Variants in RSPO4 observed in about 807,000 individuals in gnomAD.
The protein encoded by RSPO4 is R-spondin-4.
Under a neutral mutation model 24.8 loss-of-function variants are expected in RSPO4, and 23 were observed. The observed-to-expected ratio is 0.93, with a 90% confidence interval of 0.67 to 1.31. The LOEUF is 1.31. Among genes scored for constraint, RSPO4 ranks in the 40% most tolerant of loss-of-function variants. The probability of loss-of-function intolerance (pLI) is 0.00; values close to 1 mark genes in which losing one functional copy is unlikely to be tolerated. For synonymous variants in RSPO4, 141 were observed against 127.4 expected (o/e 1.11, Z -0.72); for missense variants, 333 against 316.5 (o/e 1.05, Z -0.39).
chr20:966,056 G>A lies in RSPO4; in HGVS notation c.409+1118C>T, dbSNP rs541068563. 5.1e-4 allele frequency among the ~76,000 whole-genome samples: 77 copies of A among 152,308 alleles called. 1 individual carries two copies. The highest frequency in any genetic ancestry group is 1.6e-3 in the African/African-American group (66 of 41,554). ...AACCCAGAGGAAACCCAGAGGGAGC[G>A]TTAGGTGGGGGATGGTGGCAGTGGG... On this transcript the variant is annotated intron_variant, in intron 3 of 4. Coordinates refer to ENST00000217260, the MANE Select transcript of RSPO4 (RefSeq NM_001029871.4).
At chr20:964,827 CACACATATAT>C (rs1392914593) in intron 3 of RSPO4, among the ~76,000 whole-genome samples, 44 of 91,692 alleles carry the variant, frequency 4.8e-4, no homozygotes, top group African/African-American at 1.6e-3. Flanking sequence ...CACACACACA[CACACATATAT>C]ATATATATAT....
intron 1 of RSPO4, among the ~76,000 whole-genome samples, chr20:969,361 G>A (rs1290603379): frequency 6.6e-6 from 1 of 152,210 alleles, no homozygotes; most frequent in African/African-American, 2.4e-5. Context: ...GTGAGTTGTG[G>A]TGCTGTGACT....
rs557524405 is a variant in RSPO4 at position 983,949 on chromosome 20, T to C, written c.80-15811A>G. Among the ~76,000 whole-genome samples the C allele has an allele frequency of 8.5e-5, 13 of 152,256 alleles. No homozygotes were observed. In the South Asian group the frequency reaches 2.5e-3, roughly 29 times the overall value. On this transcript the variant is annotated intron_variant, in intron 1 of 4. Coordinates refer to ENST00000217260, the MANE Select transcript of RSPO4 (RefSeq NM_001029871.4). Reference sequence around the variant, plus strand: ...AAAGCCAGGCAGTCTTAGTAACAGATAGTTATTATTATTTTAAGTACTGGG... The same window carrying C: ...AAAGCCAGGCAGTCTTAGTAACAGACAGTTATTATTATTTTAAGTACTGGG...
chr20:980,375 C>G (rs754596017), intron 1 of RSPO4, among the ~76,000 whole-genome samples: 2 of 152,148 alleles, frequency 1.3e-5, no homozygotes, highest in African/African-American at 4.8e-5. Flanking sequence ...CTTGACCTCA[C>G]CTGAGACAGG....
chr20:994,328 GC>G (rs1422340309), intron 1 of RSPO4, among the ~76,000 whole-genome samples: 2 of 152,198 alleles, frequency 1.3e-5, no homozygotes, highest in Non-Finnish European at 2.9e-5. Flanking sequence ...TCCTGATGGT[GC>G]CTATAGCCCA....
chr20:984,430 G>A (rs952327132), intron 1 of RSPO4, among the ~76,000 whole-genome samples: 6 of 152,190 alleles, frequency 3.9e-5, no homozygotes, highest in Non-Finnish European at 8.8e-5. Flanking sequence ...AGGGGGCCAG[G>A]TCTAAAAGTC....
At chr20:965,752 T>C (rs893991980) in intron 3 of RSPO4, among the ~76,000 whole-genome samples, 2 of 152,158 alleles carry the variant, frequency 1.3e-5, no homozygotes, top group African/African-American at 4.8e-5. Flanking sequence ...CCCAAAGTTC[T>C]TCCTACCACC....
intron 1 of RSPO4, among the ~76,000 whole-genome samples, chr20:976,763 T>G (rs967589663): frequency 6.6e-6 from 1 of 152,062 alleles, no homozygotes; most frequent in Admixed American, 6.6e-5. Context: ...TCATTGAAAT[T>G]TCCTTAATAC....
rs184811687 is a variant in RSPO4 at position 959,994 on chromosome 20, T to C, written c.*363A>G. The C allele has an allele frequency of 3.8e-5, 11 of 286,686 alleles. No individual in the cohort carries two copies. In the East Asian group the frequency reaches 4.6e-4, roughly 12 times the overall value. 17.8% of individuals were successfully genotyped at this position (286,686 alleles called of 1,614,324 possible). ...AGCTGCAGGGGAGGGCACAGGCTCA[T>C]GGTCCCTCTTAAAGTGTGTGTGAGA... On this transcript the variant is annotated 3_prime_UTR_variant, in exon 5 of 5. Transcript: ENST00000217260.
rs1272334456 is a variant in RSPO4 at position 981,291 on chromosome 20, G to A, written c.80-13153C>T. 1.3e-5 allele frequency among the ~76,000 whole-genome samples: 2 copies of A among 152,194 alleles called. No individual in the cohort carries two copies. Among genetic ancestry groups the A allele is most frequent in the Non-Finnish European group, 2.9e-5 (2 of 68,038 alleles). ...TGTAATCCCAGCACTTAGGGAGGCT[G>A]AGGCAGGTAGATCATAGGAGGCCCG... On this transcript the variant is annotated intron_variant, in intron 1 of 4. Transcript: ENST00000217260. The surrounding 1 kb of genome is among the most constrained non-coding windows in gnomAD (Gnocchi z 4.6).
In RSPO4 at chr20:967,171, C is replaced by CT; in HGVS notation, c.409+2_409+3insA. 6.2e-7 allele frequency: 1 copy of CT among 1,613,256 alleles called. No individual in the cohort carries two copies. The highest frequency in any genetic ancestry group is 8.5e-7 in the Non-Finnish European group (1 of 1,179,784). ...GGGGCAGGGCGGGGAGGTCCCCACT[C>CT]ACCCTGGCACTCCCGTGTGTTCTGG... is the stretch of plus-strand genomic sequence containing the variant. On this transcript the variant is annotated splice_region_variant and intron_variant, in intron 3 of 4. Transcript: ENST00000217260.
chr20:981,208 G>A lies in RSPO4; in HGVS notation c.80-13070C>T, dbSNP rs937749497. On this transcript the variant is annotated intron_variant, in intron 1 of 4. Transcript: ENST00000217260. This position sits in a 1 kb window ranked among gnomAD's most constrained non-coding sequence, Gnocchi z 4.6. ...GTTGGTCTGATGATGAACGTGGAGC[G>A]GGAAAATGGGAGTGATACTCAAAAG... Among the ~76,000 whole-genome samples, 6 of 152,150 alleles carry A rather than the reference G, an allele frequency of 3.9e-5. No individual in the cohort carries two copies. The highest frequency in any genetic ancestry group is 7.2e-5 in the African/African-American group (3 of 41,430).
intron 3 of RSPO4, among the ~76,000 whole-genome samples, chr20:966,146 A>T (rs1443582167): frequency 6.6e-6 from 1 of 152,138 alleles, no homozygotes; most frequent in Non-Finnish European, 1.5e-5. Context: ...GGCTGGAGAC[A>T]CGGAGTCAGG....
intron 1 of RSPO4, among the ~76,000 whole-genome samples, chr20:983,081 C>A (rs959832157): frequency 2.6e-5 from 4 of 152,242 alleles, no homozygotes; most frequent in Non-Finnish European, 5.9e-5. Flanking sequence ...CTCGTTGATT[C>A]CTAAGATGAG....
At chr20:979,356 G>T (rs565963934) in intron 1 of RSPO4, among the ~76,000 whole-genome samples, 2 of 152,276 alleles carry the variant, frequency 1.3e-5, no homozygotes, top group South Asian at 4.2e-4. Context: ...GTCTCCTTGT[G>T]GGGACAAGAG....
chr20:978,093 G>A (rs930894718), intron 1 of RSPO4, among the ~76,000 whole-genome samples: 3 of 152,192 alleles, frequency 2.0e-5, no homozygotes, highest in African/African-American at 7.2e-5. Flanking sequence ...TGGGATCAGG[G>A]CTAGAGGTCG....
At chr20:971,220 A>G (rs1984396252) in intron 1 of RSPO4, among the ~76,000 whole-genome samples, 1 of 152,236 alleles carries the variant, frequency 6.6e-6, no homozygotes. Flanking sequence ...GGCGCACAAC[A>G]GCAGCTCCTA....
At chr20:963,912 C>T (rs778990748) in intron 4 of RSPO4, 23 bp downstream of exon 4, 48 of 1,612,066 alleles carry the variant, frequency 3.0e-5, no homozygotes, top group Middle Eastern at 1.9e-4. Context: ...ACCGCAGCCT[C>T]GTGTGCCTGT....
chr20:982,775 G>T (rs1984780310), intron 1 of RSPO4, among the ~76,000 whole-genome samples: 1 of 152,242 alleles, frequency 6.6e-6, no homozygotes. Flanking sequence ...CAATACTGGG[G>T]ACAATAAATG....
Sources: allele counts gnomAD v4.1 joint callset (sites outside exome capture counted in the v4.1 genomes callset), GRCh38; gene constraint gnomAD v4.1.1; non-coding constraint Gnocchi (gnomAD v3.1); transcripts MANE v1.5; gene names NCBI Gene and HGNC (gene_info 2026-07-23, HGNC 2026-07-21).